The following NCK1 variants were observed in gnomAD, a reference collection of about 807,000 sequenced individuals.
The protein encoded by NCK1 is NCK adaptor protein 1.
In NCK1, 19 loss-of-function variants were observed where a neutral mutation model predicts 36.6. The ratio of observed to expected loss-of-function variants is 0.52; its 90% CI spans 0.36 to 0.76. The LOEUF is 0.76. Ranked by LOEUF, NCK1 falls within the 30% of genes least tolerant of loss-of-function variation. NCK1 has a pLI of 0.00. For synonymous variants in NCK1, 165 were observed against 156.0 expected (o/e 1.06, Z -0.43); for missense variants, 358 against 445.6 (o/e 0.80, Z 1.77).
intron 1 of NCK1, among the ~76,000 whole-genome samples, chr3:136,917,079 A>G (rs1939986607): frequency 6.6e-6 from 1 of 152,250 alleles, no homozygotes; most frequent in African/African-American, 2.4e-5. Flanking sequence ...ATATGTAAAC[A>G]TAGTATAAAA....
intron 1 of NCK1, among the ~76,000 whole-genome samples, chr3:136,880,291 A>C (rs1055737675): frequency 6.6e-6 from 1 of 152,136 alleles, no homozygotes; most frequent in African/African-American, 2.4e-5. Context: ...TCTCAAAAAA[A>C]AAAAAAGAAT....
intron 1 of NCK1, among the ~76,000 whole-genome samples, chr3:136,867,692 A>G (rs754461919): frequency 1.3e-5 from 2 of 152,246 alleles, no homozygotes; most frequent in South Asian, 2.1e-4. Flanking sequence ...GGAAACTGAA[A>G]TACAAATAGA....
intron 2 of NCK1, among the ~76,000 whole-genome samples, chr3:136,938,327 G>A (rs567552596): frequency 8.5e-5 from 13 of 152,218 alleles, no homozygotes; most frequent in Admixed American, 2.0e-4. Flanking sequence ...CACAGATTCT[G>A]TATTTGTGAA....
chr3:136,915,302 C>T (rs962572113), intron 1 of NCK1, among the ~76,000 whole-genome samples: 1 of 152,048 alleles, frequency 6.6e-6, no homozygotes, highest in African/African-American at 2.4e-5. Flanking sequence ...GGGGGGTTGA[C>T]GTAGTAGCAT....
At chr3:136,909,527 C>G (rs940684818) in intron 1 of NCK1, among the ~76,000 whole-genome samples, 1 of 152,132 alleles carries the variant, frequency 6.6e-6, no homozygotes, top group African/African-American at 2.4e-5. Flanking sequence ...ATGTCGAGTG[C>G]TGTAATAATA....
chr3:136,902,186 T>TG, intron 1 of NCK1, among the ~76,000 whole-genome samples: 2 of 79,362 alleles, frequency 2.5e-5, no homozygotes, highest in South Asian at 1.0e-3. Flanking sequence ...AACTCTTTGT[T>TG]TTTTTTTTTT....
chr3:136,904,838 T>TC (rs1273779116), intron 1 of NCK1, among the ~76,000 whole-genome samples: 1 of 151,594 alleles, frequency 6.6e-6, no homozygotes, highest in African/African-American at 2.4e-5. Context: ...TTTCTCATTT[T>TC]TTTTTTTTTA....
chr3:136,919,265 T>A (rs1940045953), intron 1 of NCK1, among the ~76,000 whole-genome samples: 1 of 152,212 alleles, frequency 6.6e-6, no homozygotes, highest in Admixed American at 6.5e-5. Flanking sequence ...ATTTTCTTAT[T>A]TAGATTGTGG....
intron 1 of NCK1, among the ~76,000 whole-genome samples, chr3:136,876,900 T>G (rs1439969830): frequency 6.6e-6 from 1 of 152,194 alleles, no homozygotes; most frequent in Non-Finnish European, 1.5e-5. Flanking sequence ...AGATGTTTAT[T>G]TAAAATGTTG....
chr3:136,904,093 G>C (rs953436986), intron 1 of NCK1, among the ~76,000 whole-genome samples: 6 of 152,080 alleles, frequency 3.9e-5, no homozygotes, highest in African/African-American at 1.4e-4. Context: ...ACTCATTTAT[G>C]AAGGATAACT....
chr3:136,867,050 TTC>T (rs1560028281), intron 1 of NCK1, among the ~76,000 whole-genome samples: 7 of 24,816 alleles, frequency 2.8e-4, no homozygotes, highest in African/African-American at 1.5e-3. Context: ...TTGCTTGCTT[TTC>T]TTTCTTTCTT....
chr3:136,911,085 G>T (rs1939818845), intron 1 of NCK1, among the ~76,000 whole-genome samples: 1 of 152,144 alleles, frequency 6.6e-6, no homozygotes, highest in African/African-American at 2.4e-5. Context: ...GCAAATGAAA[G>T]AATTTACTTC....
rs889294047 is a variant in NCK1, at chr3:136,949,405, C to T, written c.*952C>T. ...GAATGGTATTACCTATTTTCATTTC[C>T]TCTTTTCAGCTTTAAGTTTTGTTGA... On this transcript the variant is annotated 3_prime_UTR_variant, in exon 4 of 4. Coordinates refer to ENST00000481752, the MANE Select transcript of NCK1 (RefSeq NM_001291999.2). 1 of 79,558 alleles carries T rather than the reference C, an allele frequency of 1.3e-5. No homozygotes were observed. Among genetic ancestry groups the T allele is most frequent in the Non-Finnish European group, 2.8e-5 (1 of 35,242 alleles). 4.9% of individuals were successfully genotyped at this position (79,558 alleles called of 1,614,324 possible).
chr3:136,943,212 C>A (rs1940722706), intron 2 of NCK1, among the ~76,000 whole-genome samples: 1 of 152,060 alleles, frequency 6.6e-6, no homozygotes, highest in African/African-American at 2.4e-5. Context: ...TCATTAATTG[C>A]ATTCATTGCT....
Position 136,945,824 on chromosome 3 carries a change from T to C in NCK1, c.468T>C (p.Pro156=). Residue 156 remains proline (P), a synonymous_variant, in exon 3 of 4, where the codon CCT becomes CCC. Coordinates refer to ENST00000481752, the MANE Select transcript of NCK1 (RefSeq NM_001291999.2). ...GSYNGQVGWF[P]SNYVTEEGDS... The stretch of plus-strand genomic sequence containing the variant: ...ACAATGGACAAGTTGGATGGTTCCC[T>C]TCAAACTATGTAACTGAAGAAGGTG... 6.2e-7 allele frequency: 1 copy of C among 1,614,134 alleles called. No individual in the cohort carries two copies. The highest frequency in any genetic ancestry group is 2.2e-5 in the East Asian group (1 of 44,866).
At chr3:136,892,892 G>A (rs1939285334) in intron 1 of NCK1, among the ~76,000 whole-genome samples, 2 of 151,966 alleles carry the variant, frequency 1.3e-5, no homozygotes, top group Admixed American at 1.3e-4. Flanking sequence ...GGTGATTTCT[G>A]AGATTGGTAC....
intron 1 of NCK1, among the ~76,000 whole-genome samples, chr3:136,893,198 A>ACACACACACACACACCATATTTTC (rs1347213828): frequency 7.6e-5 from 10 of 132,230 alleles, no homozygotes; most frequent in Non-Finnish European, 1.2e-4. Context: ...ATATACACAC[A>ACACACACACACACACCATATTTTC]TGTGCAAGTA....
At chr3:136,873,374 G>C (rs1483364007) in intron 1 of NCK1, among the ~76,000 whole-genome samples, 2 of 152,122 alleles carry the variant, frequency 1.3e-5, no homozygotes, top group African/African-American at 4.8e-5. Flanking sequence ...TCTCCCATTT[G>C]GAATGGCTGT....
intron 2 of NCK1, among the ~76,000 whole-genome samples, chr3:136,943,495 C>A (rs1940729749): frequency 6.6e-6 from 1 of 152,170 alleles, no homozygotes; most frequent in Non-Finnish European, 1.5e-5. Context: ...GATCTGGGAA[C>A]CTTCTGCACA....
Sources: gnomAD v4.1 joint callset for allele counts (sites outside exome capture counted in the v4.1 genomes callset) on GRCh38, gnomAD v4.1.1 for gene constraint, MANE v1.5 for transcripts, NCBI Gene and HGNC (gene_info 2026-07-23, HGNC 2026-07-21) for gene names.